The following TNXB variants were observed in gnomAD, a reference collection of about 807,000 sequenced individuals.
TNXB encodes tenascin XB.
Under a neutral mutation model 340.5 loss-of-function variants are expected in TNXB, and 183 were observed. The ratio of observed to expected loss-of-function variants is 0.54; its 90% CI spans 0.48 to 0.61. The LOEUF is 0.61. Among genes scored for constraint, TNXB ranks in the 20% least tolerant of loss-of-function variants. The pLI, the probability that TNXB is intolerant of heterozygous loss-of-function variation, is 0.00. For missense variants in TNXB, 4,613 were observed against 5,446.4 expected (o/e 0.85, Z 4.82); for synonymous variants, 2,121 against 2,314.5 (o/e 0.92, Z 2.40).
chr6:32,043,831 G>C lies in TNXB; in HGVS notation c.11448C>G (p.Ile3816Met). 1 of 1,613,674 alleles carries C rather than the reference G, an allele frequency of 6.2e-7. No individual in the cohort carries two copies. Among genetic ancestry groups the C allele is most frequent in the Non-Finnish European group, 8.5e-7 (1 of 1,180,002 alleles). ...QARTQKLQGL[I>M]PGARYEVTVV... ...CGGTCACCTCATAGCGAGCGCCTGG[G>C]ATCAGCCCCTGGAGTTTCTGGGTCC... The change falls in exon 35 of 44, where the codon ATC becomes ATG. Residue 3816 changes from isoleucine to methionine, a missense_variant. By Grantham distance (10) the Ile-to-Met change is conservative. Coordinates refer to ENST00000644971, the MANE Select transcript of TNXB (RefSeq NM_001365276.2).
intron 4 of TNXB, 151 bp downstream of exon 4, chr6:32,094,925 G>A: frequency 1.6e-6 from 1 of 643,492 alleles, no homozygotes; most frequent in South Asian, 1.9e-5. Context: ...AGTGCCCAGT[G>A]TCAAGCAGGC....
At chr6:32,100,268 C>A (rs1351584003) in intron 1 of TNXB, among the ~76,000 whole-genome samples, 2 of 152,064 alleles carry the variant, frequency 1.3e-5, no homozygotes, top group Non-Finnish European at 2.9e-5. Context: ...CCACACCCAG[C>A]TATTTTTTGT....
At chr6:32,055,460 G>T (rs1777566076) in intron 24 of TNXB, among the ~76,000 whole-genome samples, 1 of 152,194 alleles carries the variant, frequency 6.6e-6, no homozygotes, top group African/African-American at 2.4e-5. Context: ...GGCTTCCAGA[G>T]TGTGCAGTCG....
intron 1 of TNXB, among the ~76,000 whole-genome samples, chr6:32,102,208 T>C (rs187835154): frequency 9.2e-5 from 14 of 152,202 alleles, no homozygotes; most frequent in Non-Finnish European, 1.3e-4. Context: ...TGGGAGCATA[T>C]ATTAATGCAA....
chr6:32,056,733 C>T lies in TNXB; in HGVS notation c.7996G>A (p.Asp2666Asn), dbSNP rs548879947. Residue 2666 changes from aspartate to asparagine, a missense_variant, in exon 23 of 44, where the codon GAT (aspartate) becomes AAT (asparagine). By Grantham distance (23) the Asp-to-Asn change is conservative (BLOSUM62 1). Coordinates refer to ENST00000644971, the MANE Select transcript of TNXB (RefSeq NM_001365276.2). The stretch of plus-strand genomic sequence containing the variant: ...ACCCGCACCGCCTTGGGCTGCCCAT[C>T]CCCATTCCTGTACTGGACCAGGAAG... ...DHFLVQYRNG[D>N]GQPKAVRVPG... The T allele has an allele frequency of 3.1e-6, 5 of 1,613,338 alleles. No individual in the cohort carries two copies. The highest frequency in any genetic ancestry group is 1.3e-5 in the African/African-American group (1 of 75,054).
At position 32,097,274 on chromosome 6, in the gene TNXB, A is replaced by C. The variant is rs1156876057; in HGVS notation, c.579T>G (p.Asp193Glu). Reference sequence around the variant, plus strand: ...AACGACCACGGACACAGCGACCCTGATCATTGCAGTCATCTGGGCAGGACC... The same window carrying C: ...AACGACCACGGACACAGCGACCCTGCTCATTGCAGTCATCTGGGCAGGACC... ...ASGSCPDDCN[D>E]QGRCVRGRCV... Residue 193 changes from aspartate (D) to glutamate (E), a missense_variant, in exon 3 of 44, where the codon GAT becomes GAG. By Grantham distance (45) the Asp-to-Glu change is conservative. Coordinates refer to ENST00000644971, the MANE Select transcript of TNXB (RefSeq NM_001365276.2). The surrounding 1 kb of genome is among the most constrained non-coding windows in gnomAD (Gnocchi z 5.9). The C allele has an allele frequency of 2.5e-6, 4 of 1,613,138 alleles. No homozygotes were observed. The highest frequency in any genetic ancestry group is 3.4e-6 in the Non-Finnish European group (4 of 1,179,606).
In TNXB at chr6:32,055,857, C is replaced by T; in HGVS notation, c.8461G>A (p.Val2821Met). 2 of 1,611,122 alleles carry T rather than the reference C, an allele frequency of 1.2e-6. No homozygotes were observed. Among genetic ancestry groups the T allele is most frequent in the Non-Finnish European group, 8.5e-7 (1 of 1,178,104 alleles). Residue 2821 changes from valine to methionine, a missense_variant, in exon 24 of 44, where the codon GTG becomes ATG. Around this residue, in one of 7 missense-constraint regions of TNXB, gnomAD observed 4,327 missense variants for 4,859.4 expected, o/e 0.89. Transcript: ENST00000644971. ...CTCACTCACAAACACTCACCTGTCACACCCACGGTGGACACCGGGCCCACA... is the reference window on the plus strand; with the variant it reads ...CTCACTCACAAACACTCACCTGTCATACCCACGGTGGACACCGGGCCCACA... Reference protein sequence around the residue: ...RRVGPVSTVGVTAPEDEAETT... With the variant: ...RRVGPVSTVGMTAPEDEAETT...
Position 32,051,784 on chromosome 6 carries a change from T to C in TNXB, c.9115+886A>G, listed in dbSNP as rs1297300164. Among the ~76,000 whole-genome samples the C allele has an allele frequency of 4.6e-5, 7 of 152,054 alleles. No homozygotes were observed. Among genetic ancestry groups the C allele is most frequent in the Admixed American group, 4.6e-4 (7 of 15,278 alleles). On this transcript the variant is annotated intron_variant, in intron 26 of 43. Transcript: ENST00000644971. This position sits in a 1 kb window ranked among gnomAD's most constrained non-coding sequence, Gnocchi z 4.7. ...GGAAATTCTGACTGATGCTACGACATAGATGAACCTTAAAGACATTGTATT... is the reference window on the plus strand; with the variant it reads ...GGAAATTCTGACTGATGCTACGACACAGATGAACCTTAAAGACATTGTATT...
At chr6:32,102,500 T>C (rs945437453) in intron 1 of TNXB, among the ~76,000 whole-genome samples, 3 of 152,170 alleles carry the variant, frequency 2.0e-5, no homozygotes, top group East Asian at 3.9e-4. Context: ...ACACACATAG[T>C]GCTGAGTAAA....
intron 1 of TNXB, among the ~76,000 whole-genome samples, chr6:32,103,762 A>C (rs1582493936): frequency 1.6e-5 from 2 of 124,914 alleles, no homozygotes; most frequent in African/African-American, 3.1e-5. Flanking sequence ...ATGGAGTCTC[A>C]CTCTGTCGCC....
intron 40 of TNXB, 37 bp downstream of exon 40, chr6:32,042,417 GC>G: frequency 6.2e-7 from 1 of 1,600,516 alleles, no homozygotes; most frequent in Non-Finnish European, 8.5e-7. Context: ...AACAGACCCT[GC>G]CCTGCACAGA....
chr6:32,105,434 T>C (rs775652663), intron 1 of TNXB, among the ~76,000 whole-genome samples: 4 of 152,242 alleles, frequency 2.6e-5, no homozygotes, highest in Non-Finnish European at 5.9e-5. Flanking sequence ...ATTTTATTAC[T>C]TTCTTGCCCA....
Position 32,043,900 on chromosome 6 carries a change from C to G in TNXB, c.11387-8G>C, listed in dbSNP as rs756087047. The G allele has an allele frequency of 6.2e-6, 10 of 1,613,580 alleles. No individual in the cohort carries two copies. The South Asian group carries it at 7.7e-5, about 12-fold the overall frequency. ...GCACACTCTGAGGCTCCCCTGAAAA[C>G]ATTGGGGATCGAGGGTTACCCAGGG... On this transcript the variant is annotated splice_region_variant and splice_polypyrimidine_tract_variant and intron_variant, in intron 34 of 43. Transcript: ENST00000644971.
chr6:32,082,442 C>A lies in TNXB; in HGVS notation c.3446-116G>T. On this transcript the variant is annotated intron_variant, in intron 8 of 43. Transcript: ENST00000644971. This position sits in a 1 kb window ranked among gnomAD's most constrained non-coding sequence, Gnocchi z 5.0. Reference sequence around the variant, plus strand: ...GCAGGTTGTTCACTGCACAAAAGTGCATTTGCTGAGGGAGTACAGAGGGAC... The same window carrying A: ...GCAGGTTGTTCACTGCACAAAAGTGAATTTGCTGAGGGAGTACAGAGGGAC... The A allele has an allele frequency of 9.0e-7, 1 of 1,113,248 alleles. No homozygotes were observed. Among genetic ancestry groups the A allele is most frequent in the Non-Finnish European group, 1.3e-6 (1 of 787,336 alleles). 69.0% of individuals were successfully genotyped at this position (1,113,248 alleles called of 1,614,324 possible).
chr6:32,096,295 C>T lies in TNXB; in HGVS notation c.1558G>A (p.Gly520Ser), dbSNP rs1780353088. 1 of 1,552,704 alleles carries T rather than the reference C, an allele frequency of 6.4e-7. No homozygotes were observed. ...CAGCGACGGCTCCCACAGTCCTCAC[C>T]GGTGAAGCCCGGGTTGCACACGCAG... ...GRCVCNPGFT[G>S]EDCGSRRCPG... Residue 520 changes from glycine to serine, a missense_variant, in exon 3 of 44, where the codon GGT becomes AGT. Physicochemically the swap from Gly to Ser is moderately conservative, Grantham distance 56 (BLOSUM62 0). Coordinates refer to ENST00000644971, the MANE Select transcript of TNXB (RefSeq NM_001365276.2).
In TNXB at chr6:32,074,865, A is replaced by C. The variant is rs1364334047; in HGVS notation, c.4376-913T>G. 1.3e-5 allele frequency among the ~76,000 whole-genome samples: 2 copies of C among 152,100 alleles called. No homozygotes were observed. On this transcript the variant is annotated intron_variant, in intron 11 of 43. Transcript: ENST00000644971. The surrounding 1 kb of genome is among the most constrained non-coding windows in gnomAD (Gnocchi z 5.5). ...CCGGCTAATTTTGTATTTTCAGTAGAGATGGGGTTTCTCCACGTTAGTCAG... is the reference window on the plus strand; with the variant it reads ...CCGGCTAATTTTGTATTTTCAGTAGCGATGGGGTTTCTCCACGTTAGTCAG...
chr6:32,081,071 T>C lies in TNXB; in HGVS notation c.4042+297A>G, dbSNP rs1187271533. Among the ~76,000 whole-genome samples, 1 of 151,922 alleles carries C rather than the reference T, an allele frequency of 6.6e-6. No individual in the cohort carries two copies. The highest frequency in any genetic ancestry group is 1.5e-5 in the Non-Finnish European group (1 of 67,984). On this transcript the variant is annotated intron_variant, in intron 10 of 43. Coordinates refer to ENST00000644971, the MANE Select transcript of TNXB (RefSeq NM_001365276.2). The surrounding 1 kb of genome is among the most constrained non-coding windows in gnomAD (Gnocchi z 5.1). Reference sequence around the variant, plus strand: ...ACACAGTGACCGAATGGTGAGGACATCTGTGGGGAGGACAGCCCCAGGTGG... The same window carrying C: ...ACACAGTGACCGAATGGTGAGGACACCTGTGGGGAGGACAGCCCCAGGTGG...
At chr6:32,103,805 A>C (rs1278839094) in intron 1 of TNXB, among the ~76,000 whole-genome samples, 1 of 145,402 alleles carries the variant, frequency 6.9e-6, no homozygotes, top group African/African-American at 2.6e-5. Flanking sequence ...ATCTTGGCTC[A>C]ATGCAACCTC....
At position 32,061,420 on chromosome 6, in the gene TNXB, G is replaced by A. The variant is rs766981650; in HGVS notation, c.7469C>T (p.Pro2490Leu). 18 of 1,612,468 alleles carry A rather than the reference G, an allele frequency of 1.1e-5. No homozygotes were observed. The highest frequency in any genetic ancestry group is 3.3e-5 in the Admixed American group (2 of 59,962). ...ACCAGTCACGCCCACGGTGGACACC[G>A]GGCCCACGCGCCGCCCCTCGTGGAG... ...YGLHEGRRVGPVSTVGVTAPQ... is the reference protein window; with the variant it reads ...YGLHEGRRVGLVSTVGVTAPQ... The change falls in exon 21 of 44, where the codon CCG becomes CTG. Residue 2490 changes from proline to leucine, a missense_variant. Physicochemically the swap from Pro to Leu is moderately conservative, Grantham distance 98. Transcript: ENST00000644971. The surrounding 1 kb of genome is among the most constrained non-coding windows in gnomAD (Gnocchi z 4.4).
Sources: allele counts gnomAD v4.1 joint callset (sites outside exome capture counted in the v4.1 genomes callset), GRCh38; gene constraint gnomAD v4.1.1; regional missense constraint gnomAD v4.1.1; non-coding constraint Gnocchi (gnomAD v3.1); transcripts MANE v1.5; gene names NCBI Gene and HGNC (gene_info 2026-07-23, HGNC 2026-07-21).